The following UBAC2 variants were observed in gnomAD, a reference collection of about 807,000 sequenced individuals.
UBAC2 encodes the protein ubiquitin-associated domain-containing protein 2.
In UBAC2, 26 loss-of-function variants were observed where a neutral mutation model predicts 44.0. The ratio of observed to expected loss-of-function variants is 0.59; its 90% CI spans 0.43 to 0.82. UBAC2 has a LOEUF of 0.82. Among genes scored for constraint, UBAC2 ranks in the 40% least tolerant of loss-of-function variants. The pLI is 0.00. For synonymous variants in UBAC2, 155 were observed against 154.3 expected (o/e 1.00, Z -0.04); for missense variants, 329 against 419.4 (o/e 0.78, Z 1.88).
intron 7 of UBAC2, 60 bp downstream of exon 7, chr13:99,340,625 C>G: frequency 6.4e-7 from 1 of 1,554,092 alleles, no homozygotes; most frequent in South Asian, 1.2e-5. Context: ...GCAAATCTTT[C>G]CTCTGTGATT....
At chr13:99,304,910 A>G (rs1463512099) in intron 4 of UBAC2, among the ~76,000 whole-genome samples, 2 of 152,254 alleles carry the variant, frequency 1.3e-5, no homozygotes, top group Non-Finnish European at 2.9e-5. Flanking sequence ...TCAAAACCTT[A>G]ACGTACACTA....
chr13:99,336,792 A>G (rs9517692), intron 6 of UBAC2, among the ~76,000 whole-genome samples: 39,072 of 152,092 alleles, frequency 0.26, 6,126 homozygotes, highest in Non-Finnish European at 0.35. Flanking sequence ...TAATTGTGAT[A>G]TACAACACAA....
chr13:99,281,749 A>G (rs896188722), intron 4 of UBAC2, among the ~76,000 whole-genome samples: 5 of 152,202 alleles, frequency 3.3e-5, no homozygotes, highest in Non-Finnish European at 7.3e-5. Flanking sequence ...TTTTAACAAG[A>G]TTTTAGTAAT....
intron 4 of UBAC2, among the ~76,000 whole-genome samples, chr13:99,299,422 C>T (rs1478721358): frequency 2.6e-5 from 4 of 151,944 alleles, no homozygotes; most frequent in Admixed American, 2.6e-4. Flanking sequence ...TACAACATGC[C>T]ACTTTTTTGG....
intron 2 of UBAC2, among the ~76,000 whole-genome samples, chr13:99,239,458 C>T (rs1042250714): frequency 4.6e-5 from 7 of 152,194 alleles, no homozygotes; most frequent in African/African-American, 9.6e-5. Context: ...CACAGTATCT[C>T]GCCCCAGAAC....
At chr13:99,220,599 A>G (rs897530431) in intron 1 of UBAC2, among the ~76,000 whole-genome samples, 2 of 152,182 alleles carry the variant, frequency 1.3e-5, no homozygotes, top group African/African-American at 4.8e-5. Context: ...TTGCATTTTT[A>G]CTTTTAGATT....
intron 7 of UBAC2, among the ~76,000 whole-genome samples, chr13:99,358,374 CAG>C (rs1233138840): frequency 6.6e-6 from 1 of 152,080 alleles, no homozygotes; most frequent in African/African-American, 2.4e-5. Context: ...ACCAGAGTAA[CAG>C]AACAAAATCG....
intron 4 of UBAC2, among the ~76,000 whole-genome samples, chr13:99,284,931 C>T (rs2043998982): frequency 6.6e-6 from 1 of 152,092 alleles, no homozygotes; most frequent in Non-Finnish European, 1.5e-5. Flanking sequence ...TGAAAAATTT[C>T]AGTGACACAA....
chr13:99,253,794 G>C (rs563734087), intron 4 of UBAC2, among the ~76,000 whole-genome samples: 2 of 152,190 alleles, frequency 1.3e-5, no homozygotes, highest in Non-Finnish European at 2.9e-5. Flanking sequence ...GATTACAGGC[G>C]TGAGCCACCA....
At chr13:99,265,603 C>T (rs186547841) in intron 4 of UBAC2, among the ~76,000 whole-genome samples, 184 of 152,294 alleles carry the variant, frequency 1.2e-3, no homozygotes, top group African/African-American at 3.9e-3. Flanking sequence ...TTCTTGTTCT[C>T]GTTTTGTGTG....
At position 99,295,361 on chromosome 13, in the gene UBAC2, A is replaced by G. The variant is rs749629581; in HGVS notation, c.390-18736A>G. 43 of 1,614,136 alleles carry G rather than the reference A, an allele frequency of 2.7e-5. No homozygotes were observed. The highest frequency in any genetic ancestry group is 3.6e-5 in the Non-Finnish European group (43 of 1,179,986). ...CTTAATCATATGTTGAATAATTGCA[A>G]CATGGTAAGGTGTGAAACAGAGAAC... On this transcript the variant is annotated intron_variant, in intron 4 of 8. Transcript: ENST00000403766. This position sits in a 1 kb window ranked among gnomAD's most constrained non-coding sequence, Gnocchi z 4.1.
intron 6 of UBAC2, among the ~76,000 whole-genome samples, chr13:99,328,352 CCTT>C (rs1176598871): frequency 1.3e-5 from 2 of 152,162 alleles, no homozygotes; most frequent in African/African-American, 4.8e-5. Flanking sequence ...CATATGTTTT[CCTT>C]CTTTAGGAAC....
intron 7 of UBAC2, among the ~76,000 whole-genome samples, chr13:99,354,912 A>G (rs1310218623): frequency 6.6e-6 from 1 of 151,796 alleles, no homozygotes; most frequent in Non-Finnish European, 1.5e-5. Context: ...CCAGGGGAAA[A>G]TCAGTAGTCC....
chr13:99,279,644 G>A (rs1219031270), intron 4 of UBAC2, among the ~76,000 whole-genome samples: 5 of 152,166 alleles, frequency 3.3e-5, no homozygotes, highest in Non-Finnish European at 7.3e-5. Flanking sequence ...AAATGCCCTA[G>A]ACTGTGTGAC....
chr13:99,332,843 C>T (rs189621170), intron 6 of UBAC2, among the ~76,000 whole-genome samples: 2 of 152,320 alleles, frequency 1.3e-5, no homozygotes, highest in East Asian at 3.9e-4. Context: ...TGGTAGAGTT[C>T]CCCCAGCCCC....
At chr13:99,232,162 G>C (rs183705654) in intron 1 of UBAC2, among the ~76,000 whole-genome samples, 7 of 152,078 alleles carry the variant, frequency 4.6e-5, no homozygotes, top group African/African-American at 1.7e-4. Flanking sequence ...GAGTGGGTTT[G>C]GGGGTATGGG....
intron 4 of UBAC2, among the ~76,000 whole-genome samples, chr13:99,305,491 T>C (rs919725111): frequency 1.3e-5 from 2 of 152,220 alleles, no homozygotes; most frequent in Non-Finnish European, 2.9e-5. Flanking sequence ...TGTAAGCTTC[T>C]TGAGGATGAT....
At chr13:99,385,154 T>G in intron 8 of UBAC2, 74 bp from the exon 9 acceptor site, 1 of 1,123,292 alleles carries the variant, frequency 8.9e-7, no homozygotes, top group Non-Finnish European at 1.4e-6. Context: ...AAGGCTCACA[T>G]GAAGAACATT....
rs554130871 is a variant in UBAC2, at chr13:99,295,351, A to T, written c.390-18746A>T. ...AACGAAGCTTCTTAATCATATGTTG[A>T]ATAATTGCAACATGGTAAGGTGTGA... On this transcript the variant is annotated intron_variant, in intron 4 of 8. Coordinates refer to ENST00000403766, the MANE Select transcript of UBAC2 (RefSeq NM_001144072.2). The surrounding 1 kb of genome is among the most constrained non-coding windows in gnomAD (Gnocchi z 4.1). 15 of 1,613,748 alleles carry T rather than the reference A, an allele frequency of 9.3e-6. No homozygotes were observed. The African/African-American group carries it at 1.5e-4, about 16-fold the overall frequency.
Sources: allele counts gnomAD v4.1 joint callset (sites outside exome capture counted in the v4.1 genomes callset), GRCh38; gene constraint gnomAD v4.1.1; non-coding constraint Gnocchi (gnomAD v3.1); transcripts MANE v1.5; gene names NCBI Gene and HGNC (gene_info 2026-07-23, HGNC 2026-07-21).